Variants in MYO10 observed in about 807,000 individuals in gnomAD.
MYO10 encodes unconventional myosin-X.
A neutral mutation model predicts 257.3 loss-of-function variants in MYO10; 133 were observed. The observed-to-expected ratio is 0.52, with a 90% CI of 0.45 to 0.60. The LOEUF (loss-of-function observed/expected upper bound fraction) is 0.60, where lower values mean the gene tolerates loss of function less well. MYO10 is among the 20% of genes least tolerant of loss of function. MYO10 has a pLI of 0.00. For synonymous variants in MYO10, 1,104 were observed against 1,028.6 expected, an observed-to-expected ratio of 1.07 and a Z score of -1.40; for missense variants, 2,399 against 2,635.7, an observed-to-expected ratio of 0.91 and a Z score of 1.97.
At position 16,711,009 on chromosome 5, in the gene MYO10, T is replaced by A. The variant is rs1738575426; in HGVS notation, c.2068A>T (p.Met690Leu). 1.9e-6 allele frequency: 3 copies of A among 1,614,016 alleles called. No homozygotes were observed. Among genetic ancestry groups the A allele is most frequent in the Non-Finnish European group, 2.5e-6 (3 of 1,179,882 alleles). The change falls in exon 21 of 41, where the codon ATG (methionine) becomes TTG (leucine). Residue 690 changes from methionine to leucine, a missense_variant. By Grantham distance (15) the Met-to-Leu change is conservative (BLOSUM62 2). Around this residue, in one of 3 missense-constraint regions of MYO10, gnomAD observed 1,820 missense variants for 1,939.4 expected, o/e 0.94. Coordinates refer to ENST00000513610, the MANE Select transcript of MYO10 (RefSeq NM_012334.3). The part of the protein sequence containing the change: ...QDFYKRYKVL[M>L]RNLALPEDVR... ...TCCTCAGGCAGAGCCAGATTCCTCA[T>A]CAGCACTTTATACCTGCAACGTGAA...
intron 2 of MYO10, among the ~76,000 whole-genome samples, chr5:16,854,588 C>T (rs1415881771): frequency 6.6e-6 from 1 of 152,030 alleles, no homozygotes; most frequent in East Asian, 1.9e-4. Context: ...AGGGTTACAG[C>T]GTTTCTATTT....
At chr5:16,761,071 A>G (rs952313653) in intron 17 of MYO10, among the ~76,000 whole-genome samples, 2 of 151,790 alleles carry the variant, frequency 1.3e-5, no homozygotes, top group Non-Finnish European at 2.9e-5. Context: ...GGTCACTGCA[A>G]CCTCCACCTC....
At chr5:16,691,778 A>G (rs11741866) in intron 27 of MYO10, among the ~76,000 whole-genome samples, 43,014 of 151,910 alleles carry the variant, frequency 0.28, 6,266 homozygotes, top group South Asian at 0.37. Context: ...CCTTCTTAAC[A>G]GAAATCAATA....
intron 2 of MYO10, among the ~76,000 whole-genome samples, chr5:16,839,320 A>G (rs557115352): frequency 2.6e-5 from 4 of 152,190 alleles, no homozygotes; most frequent in Non-Finnish European, 2.9e-5. Context: ...TCCAACCCTC[A>G]TGTATGACAT....
chr5:16,780,378 A>C (rs1488148774), intron 8 of MYO10, 146 bp downstream of exon 8: 5 of 735,862 alleles, frequency 6.8e-6, no homozygotes, highest in Non-Finnish European at 1.1e-5. Context: ...CTGTAAATTC[A>C]GCATCTTTTT....
At chr5:16,823,467 G>GGGGTTTT (rs1561003861) in intron 2 of MYO10, among the ~76,000 whole-genome samples, 2 of 3,978 alleles carry the variant, frequency 5.0e-4, no homozygotes, top group African/African-American at 2.0e-3. Context: ...GGGGAGTGGG[G>GGGGTTTT]ATTTTTTTTT....
chr5:16,754,972 T>G, intron 18 of MYO10, 64 bp from the exon 19 acceptor site: 1 of 1,018,472 alleles, frequency 9.8e-7, no homozygotes, highest in Non-Finnish European at 1.4e-6. Context: ...TTCTCAGTAC[T>G]CTAGGCACTT....
chr5:16,768,134 C>G (rs150044711), intron 10 of MYO10, among the ~76,000 whole-genome samples: 1 of 152,110 alleles, frequency 6.6e-6, no homozygotes, highest in Non-Finnish European at 1.5e-5. Flanking sequence ...TCCTCTAGAA[C>G]CACTCTGAAC....
At chr5:16,882,129 T>G (rs890757700) in intron 1 of MYO10, among the ~76,000 whole-genome samples, 64 of 152,320 alleles carry the variant, frequency 4.2e-4, no homozygotes, top group African/African-American at 1.5e-3. Context: ...TATAAAGCAC[T>G]TATGCATAAA....
intron 1 of MYO10, among the ~76,000 whole-genome samples, chr5:16,927,324 G>GTTTA (rs199709307): frequency 1.9e-4 from 29 of 152,068 alleles, no homozygotes; most frequent in African/African-American, 5.8e-4. Context: ...TTGTTTGTTT[G>GTTTA]TTTATTTATT....
intron 19 of MYO10, among the ~76,000 whole-genome samples, chr5:16,723,102 C>T (rs1472466053): frequency 2.0e-5 from 3 of 152,126 alleles, no homozygotes; most frequent in East Asian, 3.9e-4. Context: ...ACAGGCCAGG[C>T]GTGGTGGCTC....
intron 29 of MYO10, 23 bp from the exon 30 acceptor site, chr5:16,683,958 CAG>C (rs756311589): frequency 3.2e-5 from 52 of 1,610,274 alleles, no homozygotes; most frequent in Non-Finnish European, 4.3e-5. Flanking sequence ...AAAAAGTAAA[CAG>C]AATGAGAGAA....
intron 21 of MYO10, among the ~76,000 whole-genome samples, chr5:16,708,804 CCTT>C (rs1472711474): frequency 1.3e-5 from 2 of 152,176 alleles, no homozygotes; most frequent in East Asian, 3.9e-4. Context: ...CTCAAGCGAT[CCTT>C]CTGCCTCAGC....
rs528484985 is a variant in MYO10 at position 16,744,877 on chromosome 5, G to C, written c.1929+9951C>G. Among the ~76,000 whole-genome samples, 110 of 152,154 alleles carry C rather than the reference G, an allele frequency of 7.2e-4. 2 individuals carry two copies. The Middle Eastern group carries it at 0.014, about 19-fold the overall frequency. ...AACAAAAATTCCGAGATAAAATTAT[G>C]CTCAGAGGCTGTTTACTGGAGCAGG... is the stretch of plus-strand genomic sequence containing the variant. On this transcript the variant is annotated intron_variant, in intron 19 of 40. Transcript: ENST00000513610.
intron 2 of MYO10, among the ~76,000 whole-genome samples, chr5:16,857,011 G>A (rs138818601): frequency 2.6e-5 from 4 of 152,298 alleles, no homozygotes; most frequent in East Asian, 1.9e-4. Context: ...ATAAGTTAAC[G>A]ATTTAACTGA....
chr5:16,741,509 C>T (rs922123678), intron 19 of MYO10, among the ~76,000 whole-genome samples: 1 of 152,114 alleles, frequency 6.6e-6, no homozygotes, highest in African/African-American at 2.4e-5. Flanking sequence ...CCCCCTTCAA[C>T]CTAATATTAA....
chr5:16,683,843 A>G (rs374847557), intron 30 of MYO10, 37 bp downstream of exon 30: 1 of 1,605,384 alleles, frequency 6.2e-7, no homozygotes, highest in South Asian at 1.1e-5. Flanking sequence ...CACACAGGTG[A>G]TGAGCTGTTT....
intron 19 of MYO10, 75 bp from the exon 20 acceptor site, chr5:16,711,320 A>C: frequency 6.8e-7 from 1 of 1,460,464 alleles, no homozygotes; most frequent in Non-Finnish European, 9.4e-7. Flanking sequence ...TAATAAAGCC[A>C]CCTCCATCAT....
At chr5:16,679,816 T>A in intron 33 of MYO10, 131 bp downstream of exon 33, 1 of 1,240,914 alleles carries the variant, frequency 8.1e-7, no homozygotes, top group Non-Finnish European at 1.1e-6. Flanking sequence ...TGAGCCACCG[T>A]GCCGGCCAAC....
Sources: allele counts gnomAD v4.1 joint callset (sites outside exome capture counted in the v4.1 genomes callset), GRCh38; gene constraint gnomAD v4.1.1; regional missense constraint gnomAD v4.1.1; transcripts MANE v1.5; gene names NCBI Gene and HGNC (gene_info 2026-07-23, HGNC 2026-07-21).